Variants in ALDH8A1 observed in about 807,000 individuals in gnomAD.
The protein encoded by ALDH8A1 is 2-aminomuconic semialdehyde dehydrogenase.
Under a neutral mutation model 43.3 loss-of-function variants are expected in ALDH8A1, and 39 were observed. The ratio of observed to expected loss-of-function variants is 0.90; its 90% confidence interval spans 0.70 to 1.18. The LOEUF (loss-of-function observed/expected upper bound fraction) is 1.18, where lower values mean the gene tolerates loss of function less well. ALDH8A1 is among the 50% of genes most tolerant of loss of function. The probability of loss-of-function intolerance (pLI) is 0.00; values close to 1 mark genes in which losing one functional copy is unlikely to be tolerated. For synonymous variants in ALDH8A1, 233 were observed against 243.5 expected, an observed-to-expected ratio of 0.96 and a Z score of 0.40; for missense variants, 605 against 622.6, an observed-to-expected ratio of 0.97 and a Z score of 0.30.
At chr6:134,938,946 C>T (rs1203740271) in intron 4 of ALDH8A1, among the ~76,000 whole-genome samples, 5 of 152,078 alleles carry the variant, frequency 3.3e-5, no homozygotes, top group African/African-American at 7.2e-5. Flanking sequence ...CACACCTGGC[C>T]CCAACTTAAG....
intron 1 of ALDH8A1, among the ~76,000 whole-genome samples, chr6:134,947,940 T>C (rs532314697): frequency 1.3e-5 from 2 of 152,228 alleles, no homozygotes; most frequent in South Asian, 4.2e-4. Context: ...ACTGAAGAGA[T>C]ACCTGTACCC....
Position 134,946,786 on chromosome 6 carries a change from G to GCACAGGTGCGCATGTGTGCGCGCA in ALDH8A1, c.139-2821_139-2820insTGCGCGCACACATGCGCACCTGTG, listed in dbSNP as rs1562261616. ...CACACAGGTGCGCATGTGTGCGCGC[G>GCACAGGTGCGCATGTGTGCGCGCA]CGCACAGGTGCGCATGTGTGCGTGC... On this transcript the variant is annotated intron_variant, in intron 1 of 6. Transcript: ENST00000265605. Among the ~76,000 whole-genome samples the GCACAGGTGCGCATGTGTGCGCGCA allele has an allele frequency of 6.7e-3, 1,011 of 150,150 alleles. 8 individuals are homozygous for GCACAGGTGCGCATGTGTGCGCGCA. The highest frequency in any genetic ancestry group is 0.011 in the Admixed American group (167 of 15,240).
At chr6:134,940,867 C>T (rs920424829) in intron 3 of ALDH8A1, among the ~76,000 whole-genome samples, 2 of 152,190 alleles carry the variant, frequency 1.3e-5, no homozygotes, top group African/African-American at 4.8e-5. Context: ...TATTAGCACA[C>T]TTCCTAGGAG....
intron 4 of ALDH8A1, among the ~76,000 whole-genome samples, chr6:134,936,448 A>T (rs1321743187): frequency 6.6e-6 from 1 of 152,192 alleles, no homozygotes; most frequent in Non-Finnish European, 1.5e-5. Flanking sequence ...CGAAACAAGG[A>T]CAAGTCTCCC....
intron 5 of ALDH8A1, among the ~76,000 whole-genome samples, chr6:134,929,597 C>T (rs1776946757): frequency 6.6e-6 from 1 of 151,974 alleles, no homozygotes. Context: ...GGGAAAAGAT[C>T]TGGAGGTGGG....
intron 4 of ALDH8A1, among the ~76,000 whole-genome samples, chr6:134,935,501 A>C (rs1412888633): frequency 1.3e-5 from 2 of 152,210 alleles, no homozygotes; most frequent in Non-Finnish European, 2.9e-5. Flanking sequence ...AAAGAAAATC[A>C]TCTTTATAAT....
chr6:134,928,746 C>A (rs1266492725), intron 6 of ALDH8A1, among the ~76,000 whole-genome samples: 2 of 152,184 alleles, frequency 1.3e-5, no homozygotes, highest in South Asian at 2.1e-4. Flanking sequence ...CACTGGCATT[C>A]TTCCATATCA....
rs544334853 is a variant in ALDH8A1 at position 134,919,614 on chromosome 6, A to G, written c.1012-747T>C. ...ATATATAAACATTGTTGAAGTCACA[A>G]TTATATGTTTTTCTACCCCAAGAGG... On this transcript the variant is annotated intron_variant, in intron 6 of 6. Transcript: ENST00000265605. Among the ~76,000 whole-genome samples, 206 of 152,324 alleles carry G rather than the reference A, an allele frequency of 1.4e-3. 1 individual carries two copies. Among genetic ancestry groups the G allele is most frequent in the East Asian group, 1.2e-3 (6 of 5,186 alleles).
chr6:134,928,043 G>A (rs1309463986), intron 6 of ALDH8A1, among the ~76,000 whole-genome samples: 1 of 152,168 alleles, frequency 6.6e-6, no homozygotes, highest in Non-Finnish European at 1.5e-5. Context: ...AACAAGCCAT[G>A]CTGGTCATCC....
chr6:134,933,233 C>T (rs926028474), intron 4 of ALDH8A1, among the ~76,000 whole-genome samples: 15 of 152,190 alleles, frequency 9.9e-5, no homozygotes, highest in African/African-American at 3.6e-4. Context: ...CACCTCTGCC[C>T]ACAGTAAACA....
At chr6:134,922,001 G>A (rs1285027162) in intron 6 of ALDH8A1, among the ~76,000 whole-genome samples, 1 of 152,356 alleles carries the variant, frequency 6.6e-6, no homozygotes, top group African/African-American at 2.4e-5. Flanking sequence ...GCCTCATGAG[G>A]AGTCCAGCTG....
chr6:134,933,157 G>C, intron 4 of ALDH8A1, 125 bp from the exon 5 acceptor site: 2 of 1,143,124 alleles, frequency 1.7e-6, no homozygotes, highest in Non-Finnish European at 2.4e-6. Flanking sequence ...GAAGCACTTG[G>C]GTTTTACAAC....
intron 6 of ALDH8A1, among the ~76,000 whole-genome samples, chr6:134,922,398 C>A (rs1169615045): frequency 6.6e-6 from 1 of 150,912 alleles, no homozygotes; most frequent in East Asian, 1.9e-4. Context: ...CTTTTTTTTT[C>A]TTTTTTTGAG....
chr6:134,926,513 A>T (rs1235410140), intron 6 of ALDH8A1, among the ~76,000 whole-genome samples: 1 of 152,042 alleles, frequency 6.6e-6, no homozygotes, highest in African/African-American at 2.4e-5. Flanking sequence ...GACCCTTCTT[A>T]AAAAAGGCAG....
At chr6:134,928,131 C>G (rs142586906) in intron 6 of ALDH8A1, among the ~76,000 whole-genome samples, 36 of 152,312 alleles carry the variant, frequency 2.4e-4, no homozygotes, top group African/African-American at 8.2e-4. Context: ...TTTCCCAGTC[C>G]TTTCTCTCTC....
intron 6 of ALDH8A1, among the ~76,000 whole-genome samples, chr6:134,921,458 C>T (rs1288125735): frequency 6.6e-6 from 1 of 152,220 alleles, no homozygotes; most frequent in East Asian, 1.9e-4. Flanking sequence ...GGAGACTTAT[C>T]TTCAAGCCAC....
Position 134,943,875 on chromosome 6 carries a change from G to A in ALDH8A1, c.230C>T (p.Ala77Val), listed in dbSNP as rs765671491. 1.2e-5 allele frequency: 19 copies of A among 1,614,194 alleles called. No homozygotes were observed. Among genetic ancestry groups the A allele is most frequent in the Non-Finnish European group, 1.5e-5 (18 of 1,180,030 alleles). The change falls in exon 2 of 7, where the codon GCG becomes GTG. Residue 77 changes from alanine to valine, a missense_variant. Physicochemically the swap from Ala to Val is moderately conservative, Grantham distance 64 (BLOSUM62 0). Transcript: ENST00000265605. ...CTCCAGGGACTGCTCCAGCAAATCC[G>A]CCACCTGGTTCAGGACCCGTGAGCG... ...QERSRVLNQV[A>V]DLLEQSLEEF...
intron 1 of ALDH8A1, among the ~76,000 whole-genome samples, chr6:134,948,790 A>G (rs1258644187): frequency 1.3e-5 from 2 of 152,224 alleles, no homozygotes; most frequent in African/African-American, 4.8e-5. Flanking sequence ...TCTATTTTCT[A>G]AAAAGTTATG....
chr6:134,939,486 A>G, intron 3 of ALDH8A1, 71 bp from the exon 4 acceptor site: 1 of 1,525,324 alleles, frequency 6.6e-7, no homozygotes, highest in Non-Finnish European at 8.9e-7. Context: ...AAGTGGGGTT[A>G]TTAACGCAAA....
Sources: gnomAD v4.1 joint callset for allele counts (sites outside exome capture counted in the v4.1 genomes callset) on GRCh38, gnomAD v4.1.1 for gene constraint, MANE v1.5 for transcripts, NCBI Gene and HGNC (gene_info 2026-07-23, HGNC 2026-07-21) for gene names.